Variants in CDH12 observed in about 807,000 individuals in gnomAD.
CDH12 encodes the protein cadherin-12.
Under a neutral mutation model 74.1 loss-of-function variants are expected in CDH12, and 41 were observed. The observed-to-expected ratio is 0.55, with a 90% CI of 0.43 to 0.72. The LOEUF is 0.72. Among genes scored for constraint, CDH12 ranks in the 30% least tolerant of loss-of-function variants. The pLI is 0.00. For synonymous variants in CDH12, 399 were observed against 355.0 expected, an observed-to-expected ratio of 1.12 and a Z score of -1.39; for missense variants, 945 against 977.2, an observed-to-expected ratio of 0.97 and a Z score of 0.44.
intron 5 of CDH12, among the ~76,000 whole-genome samples, chr5:22,023,205 A>G (rs949968593): frequency 6.6e-6 from 1 of 152,100 alleles, no homozygotes; most frequent in Non-Finnish European, 1.5e-5. Flanking sequence ...AAGCTCTTCC[A>G]TGACTCAGGC....
intron 7 of CDH12, 55 bp from the exon 8 acceptor site, chr5:21,842,383 G>T: frequency 8.1e-7 from 1 of 1,241,910 alleles, no homozygotes; most frequent in Non-Finnish European, 1.1e-6. Context: ...TCTGTTTTCT[G>T]AAATAAAATA....
chr5:22,760,105 T>C (rs1746129433), intron 1 of CDH12, among the ~76,000 whole-genome samples: 1 of 152,228 alleles, frequency 6.6e-6, no homozygotes, highest in African/African-American at 2.4e-5. Context: ...AACTGACACA[T>C]GAAATTAACC....
Position 22,231,984 on chromosome 5 carries a change from T to C in CDH12, c.-332-19341A>G, listed in dbSNP as rs940505051. 3.3e-5 allele frequency among the ~76,000 whole-genome samples: 5 copies of C among 151,954 alleles called. No homozygotes were observed. In the East Asian group the frequency reaches 7.7e-4, roughly 23 times the overall value. On this transcript the variant is annotated intron_variant, in intron 3 of 14. Transcript: ENST00000382254. ...ACAAGAATACAACTATTTTCGAAGATATTTTATACATTGCCTAAAATATTA... is the reference window on the plus strand; with the variant it reads ...ACAAGAATACAACTATTTTCGAAGACATTTTATACATTGCCTAAAATATTA...
intron 1 of CDH12, among the ~76,000 whole-genome samples, chr5:22,742,621 A>G (rs1457212051): frequency 6.6e-6 from 1 of 152,138 alleles, no homozygotes; most frequent in Non-Finnish European, 1.5e-5. Context: ...TCAACTAATC[A>G]TAATATGCTG....
intron 4 of CDH12, among the ~76,000 whole-genome samples, chr5:22,133,723 T>A (rs764488675): frequency 3.3e-5 from 5 of 152,096 alleles, no homozygotes; most frequent in Admixed American, 6.6e-5. Context: ...TTTGTTTATA[T>A]TCTATACATC....
chr5:22,200,890 G>A (rs1750891801), intron 4 of CDH12, among the ~76,000 whole-genome samples: 2 of 152,322 alleles, frequency 1.3e-5, no homozygotes, highest in South Asian at 2.1e-4. Context: ...AGAGTTTGAA[G>A]TGTGGCATTA....
At chr5:22,066,760 C>A (rs1015197597) in intron 5 of CDH12, among the ~76,000 whole-genome samples, 1 of 152,124 alleles carries the variant, frequency 6.6e-6, no homozygotes, top group Admixed American at 6.5e-5. Flanking sequence ...AGTGCCATCA[C>A]CAAAGATGAA....
intron 1 of CDH12, among the ~76,000 whole-genome samples, chr5:22,812,582 GA>G (rs1441772421): frequency 6.6e-6 from 1 of 152,034 alleles, no homozygotes; most frequent in East Asian, 1.9e-4. Flanking sequence ...GTCTGACAAG[GA>G]AAAAAGTAGG....
intron 6 of CDH12, among the ~76,000 whole-genome samples, chr5:21,965,391 T>C (rs1005242831): frequency 5.9e-5 from 9 of 152,078 alleles, no homozygotes; most frequent in African/African-American, 2.2e-4. Context: ...AATTTTGAAG[T>C]AGCTAATCAT....
At chr5:22,019,177 G>A (rs889493443) in intron 5 of CDH12, among the ~76,000 whole-genome samples, 2 of 152,010 alleles carry the variant, frequency 1.3e-5, no homozygotes. Context: ...CTATGGCCTG[G>A]CCTGTCATAT....
chr5:22,530,231 G>T (rs1184736153), intron 1 of CDH12, among the ~76,000 whole-genome samples: 2 of 152,052 alleles, frequency 1.3e-5, no homozygotes, highest in Admixed American at 1.3e-4. Context: ...CTAAGAAGAG[G>T]TAACATTAGA....
chr5:22,459,327 G>T (rs557915644), intron 2 of CDH12, among the ~76,000 whole-genome samples: 4 of 152,042 alleles, frequency 2.6e-5, no homozygotes, highest in Non-Finnish European at 4.4e-5. Context: ...AATTAAGATT[G>T]CAGTTATTAT....
At chr5:22,128,780 C>A (rs1746021114) in intron 4 of CDH12, among the ~76,000 whole-genome samples, 1 of 152,062 alleles carries the variant, frequency 6.6e-6, no homozygotes, top group Admixed American at 6.6e-5. Context: ...ATATTTGGAA[C>A]AAGAATAATC....
chr5:21,915,886 T>C (rs1336568986), intron 6 of CDH12, among the ~76,000 whole-genome samples: 1 of 148,280 alleles, frequency 6.7e-6, no homozygotes, highest in Non-Finnish European at 1.5e-5. Context: ...AAGTGAACAA[T>C]ATAAGGGTTA....
At chr5:22,624,319 A>T (rs1206458841) in intron 1 of CDH12, among the ~76,000 whole-genome samples, 2 of 151,624 alleles carry the variant, frequency 1.3e-5, no homozygotes, top group East Asian at 4.0e-4. Context: ...ATGGGATCTA[A>T]TTAAACTAAA....
chr5:22,411,158 A>T (rs1743154767), intron 2 of CDH12, among the ~76,000 whole-genome samples: 1 of 152,162 alleles, frequency 6.6e-6, no homozygotes, highest in African/African-American at 2.4e-5. Flanking sequence ...AGGAAAAATC[A>T]AAATAATGAG....
At chr5:22,616,190 A>G (rs1476313319) in intron 1 of CDH12, among the ~76,000 whole-genome samples, 1 of 152,108 alleles carries the variant, frequency 6.6e-6, no homozygotes, top group East Asian at 1.9e-4. Flanking sequence ...TCAACAAGTC[A>G]ATGTCATGGA....
At chr5:22,661,921 A>G (rs186972514) in intron 1 of CDH12, among the ~76,000 whole-genome samples, 43 of 152,268 alleles carry the variant, frequency 2.8e-4, no homozygotes, top group Non-Finnish European at 5.4e-4. Context: ...TAAAAATTAT[A>G]TTTAATAAGA....
chr5:22,190,577 CA>C (rs931258772), intron 4 of CDH12, among the ~76,000 whole-genome samples: 2 of 152,144 alleles, frequency 1.3e-5, no homozygotes, highest in South Asian at 2.1e-4. Flanking sequence ...CTCTTGTCTA[CA>C]AAAAAGCCAC....
Sources: gnomAD v4.1 joint callset for allele counts (sites outside exome capture counted in the v4.1 genomes callset) on GRCh38, gnomAD v4.1.1 for gene constraint, MANE v1.5 for transcripts, NCBI Gene and HGNC (gene_info 2026-07-23, HGNC 2026-07-21) for gene names.